PRKCQ: variants seen among roughly 807,000 people sequenced by gnomAD.
The protein encoded by PRKCQ is protein kinase C theta.
A neutral mutation model predicts 91.2 loss-of-function variants in PRKCQ; 41 were observed. The observed-to-expected ratio is 0.45, with a 90% CI of 0.35 to 0.58. The LOEUF is 0.58. Ranked by LOEUF, PRKCQ falls within the 20% of genes least tolerant of loss-of-function variation. The probability of loss-of-function intolerance (pLI) is 0.00; values close to 1 mark genes in which losing one functional copy is unlikely to be tolerated. For missense variants in PRKCQ, 673 were observed against 896.5 expected, an observed-to-expected ratio of 0.75 and a Z score of 3.18; for synonymous variants, 307 against 316.9, an observed-to-expected ratio of 0.97 and a Z score of 0.33.
At chr10:6,517,260 T>C (rs1197654461) in intron 1 of PRKCQ, among the ~76,000 whole-genome samples, 4 of 152,010 alleles carry the variant, frequency 2.6e-5, no homozygotes, top group African/African-American at 9.7e-5. Context: ...GTAAAAAGTC[T>C]CTCCAGATTT....
the PRKCQ span, among the ~76,000 whole-genome samples, chr10:6,412,914 T>A: frequency 6.6e-6 from 1 of 152,234 alleles, no homozygotes; most frequent in African/African-American, 2.4e-5. Context: ...CAATTGCTCG[T>A]GTACTCTAGT....
chr10:6,454,362 C>A (rs1170062495), intron 15 of PRKCQ, among the ~76,000 whole-genome samples: 2 of 152,090 alleles, frequency 1.3e-5, no homozygotes, highest in Non-Finnish European at 2.9e-5. Flanking sequence ...ACTAGGGTAA[C>A]AGCAGTAAGG....
intron 15 of PRKCQ, among the ~76,000 whole-genome samples, chr10:6,445,136 A>ATC (rs1246216651): frequency 1.3e-5 from 2 of 151,310 alleles, no homozygotes; most frequent in Admixed American, 6.6e-5. Context: ...AAAAAAAAAA[A>ATC]AAAAAAAAAA....
downstream of PRKCQ, among the ~76,000 whole-genome samples, chr10:6,422,497 A>G (rs117310455): frequency 7.6e-3 from 1,153 of 152,230 alleles, 11 homozygotes; most frequent in Non-Finnish European, 0.013. Flanking sequence ...CAGGCTTGGG[A>G]TCTAGTTCCA....
intron 1 of PRKCQ, among the ~76,000 whole-genome samples, chr10:6,526,063 G>A (rs986938092): frequency 6.6e-6 from 1 of 152,236 alleles, no homozygotes; most frequent in African/African-American, 2.4e-5. Flanking sequence ...GAGTTAATAT[G>A]TATAAAACAG....
chr10:6,529,951 A>G (rs1238560589), intron 1 of PRKCQ, among the ~76,000 whole-genome samples: 1 of 152,232 alleles, frequency 6.6e-6, no homozygotes, highest in Non-Finnish European at 1.5e-5. Flanking sequence ...TACCATAGGA[A>G]CTTGTTTCAT....
rs190745825 is a variant in PRKCQ, at chr10:6,572,013, C to G, written c.-10+8198G>C. Among the ~76,000 whole-genome samples the G allele has an allele frequency of 3.3e-4, 50 of 152,218 alleles. No individual in the cohort carries two copies. In the East Asian group the frequency reaches 8.9e-3, roughly 27 times the overall value. ...GTGACCCTAGATCAAGTTTCTTAAC[C>G]TGCACACCTCAGCTGGCTTCTCTGT... is the stretch of plus-strand genomic sequence containing the variant. On this transcript the variant is annotated intron_variant, in intron 1 of 17. Coordinates refer to ENST00000263125, the MANE Select transcript of PRKCQ (RefSeq NM_006257.5).
Position 6,462,358 on chromosome 10 carries a change from CA to C in PRKCQ, c.1452del (p.Tyr484Ter), listed in dbSNP as rs758205576. 8 of 1,613,874 alleles carry C rather than the reference CA, an allele frequency of 5.0e-6. No individual in the cohort carries two copies. The highest frequency in any genetic ancestry group is 6.8e-6 in the Non-Finnish European group (8 of 1,179,880). ...TGCAGACCAAGAATGATTTCAGCAG[CA>C]TAAAACCTGGGGGAAGGAGAACCAA... ...HKFDLSRATF[Y>X]AAEIILGLQF... On this transcript the variant is annotated frameshift_variant, in exon 14 of 18. Coordinates refer to ENST00000263125, the MANE Select transcript of PRKCQ (RefSeq NM_006257.5). LOFTEE classifies it high-confidence loss of function.
chr10:6,507,577 G>T, intron 3 of PRKCQ, 81 bp from the exon 4 acceptor site: 2 of 1,211,176 alleles, frequency 1.7e-6, no homozygotes, highest in South Asian at 1.2e-5. Context: ...TACTGACGAT[G>T]GCAGGAGATT....
chr10:6,542,252 A>C (rs967753023), intron 1 of PRKCQ, among the ~76,000 whole-genome samples: 9 of 152,250 alleles, frequency 5.9e-5, no homozygotes, highest in African/African-American at 1.7e-4. Context: ...TTTTCAGCCC[A>C]ACAACCTGGA....
At chr10:6,404,847 CCTT>C in the PRKCQ span, among the ~76,000 whole-genome samples, 1 of 127,290 alleles carries the variant, frequency 7.9e-6, no homozygotes, top group Non-Finnish European at 1.6e-5. Flanking sequence ...TTCTTTCTTT[CCTT>C]CTTTCTTTCT....
intron 2 of PRKCQ, among the ~76,000 whole-genome samples, chr10:6,514,808 C>T (rs541234608): frequency 3.4e-4 from 52 of 152,286 alleles, no homozygotes; most frequent in African/African-American, 1.2e-3. Flanking sequence ...TGCAATAGAG[C>T]ACCGGTGGGC....
chr10:6,439,424 T>C (rs150658353), intron 16 of PRKCQ, among the ~76,000 whole-genome samples: 2 of 152,272 alleles, frequency 1.3e-5, no homozygotes, highest in African/African-American at 4.8e-5. Context: ...TTAAGTGCAA[T>C]TGACCCTTGA....
At chr10:6,419,272 C>T in the PRKCQ span, among the ~76,000 whole-genome samples, 18 of 151,800 alleles carry the variant, frequency 1.2e-4, no homozygotes, top group Admixed American at 2.6e-4. Context: ...CGTGTGTGTA[C>T]GTATACATTA....
rs114595954 is a variant in PRKCQ, at chr10:6,513,847, C to T, written c.118+1171G>A. 9.5e-3 allele frequency among the ~76,000 whole-genome samples: 1,449 copies of T among 152,290 alleles called. 18 individuals carry two copies. Among genetic ancestry groups the T allele is most frequent in the African/African-American group, 0.033 (1,360 of 41,556 alleles). ...TTCTCAAAGTCTGAGTCAGTTTCTT[C>T]TTGTATCTGCAAATGTCCCTCGCTC... On this transcript the variant is annotated intron_variant, in intron 2 of 17. Coordinates refer to ENST00000263125, the MANE Select transcript of PRKCQ (RefSeq NM_006257.5).
At chr10:6,477,328 A>G (rs1039255060) in intron 12 of PRKCQ, among the ~76,000 whole-genome samples, 1 of 152,204 alleles carries the variant, frequency 6.6e-6, no homozygotes, top group East Asian at 1.9e-4. Flanking sequence ...AGCACAGCAT[A>G]TGCTCAGTAA....
intron 8 of PRKCQ, among the ~76,000 whole-genome samples, chr10:6,488,004 C>A (rs927312759): frequency 0.013 from 1,518 of 112,466 alleles, no homozygotes; most frequent in African/African-American, 0.014. Flanking sequence ...GACTGTGTCT[C>A]AAAAAAAAAA....
intron 1 of PRKCQ, among the ~76,000 whole-genome samples, chr10:6,568,203 A>G (rs1418963455): frequency 6.6e-6 from 1 of 152,100 alleles, no homozygotes; most frequent in Non-Finnish European, 1.5e-5. Context: ...TGACAGAGCG[A>G]GACTCTTGTC....
chr10:6,427,929 CG>C lies in PRKCQ; in HGVS notation c.*277del. The C allele has an allele frequency of 2.5e-6, 1 of 393,100 alleles. No individual in the cohort carries two copies. Among genetic ancestry groups the C allele is most frequent in the South Asian group, 2.7e-5 (1 of 37,660 alleles). 24.4% of individuals were successfully genotyped at this position (393,100 alleles called of 1,614,324 possible). A position where few individuals can be genotyped will look rare whatever the true frequency, so the allele number is the denominator to read the frequency against. The stretch of plus-strand genomic sequence containing the variant: ...TCAAGTCTTGAAACCTTTCCAAGTG[CG>C]GAGACCCATCTTTCAAGTAAATAAC... On this transcript the variant is annotated 3_prime_UTR_variant, in exon 18 of 18. Transcript: ENST00000263125.
Sources: gnomAD v4.1 joint callset for allele counts (sites outside exome capture counted in the v4.1 genomes callset) on GRCh38, gnomAD v4.1.1 for gene constraint, MANE v1.5 for transcripts, NCBI Gene and HGNC (gene_info 2026-07-23, HGNC 2026-07-21) for gene names.